ZC3H12B: variants seen among roughly 807,000 people sequenced by gnomAD.
ZC3H12B encodes the protein zinc finger CCCH-type containing 12B.
ZC3H12B carries 7 observed loss-of-function variants against 43.9 expected under a neutral mutation model. The ratio of observed to expected loss-of-function variants is 0.16; its 90% confidence interval spans 0.09 to 0.30. The LOEUF is 0.30. Ranked by LOEUF, ZC3H12B falls within the 10% of genes least tolerant of loss-of-function variation. ZC3H12B has a pLI of 1.00. For missense variants in ZC3H12B, 475 were observed against 670.2 expected, an observed-to-expected ratio of 0.71 and a Z score of 3.22; for synonymous variants, 222 against 241.7, an observed-to-expected ratio of 0.92 and a Z score of 0.76.
chrX:65,412,203 A>G lies in ZC3H12B; in HGVS notation n.407+13499A>G. Among the ~76,000 whole-genome samples the G allele has an allele frequency of 2.7e-5, 3 of 111,624 alleles. 1 individual carries two copies. The Middle Eastern group carries it at 0.014, about 514-fold the overall frequency. ...ATCTATGTTCTGTCGCTGTGTATTTATCTATTCTGAATGTTTCATGTATAT... is the reference window on the plus strand; with the variant it reads ...ATCTATGTTCTGTCGCTGTGTATTTGTCTATTCTGAATGTTTCATGTATAT... On this transcript the variant is annotated intron_variant and non_coding_transcript_variant, in intron 3 of 5. Coordinates refer to the ZC3H12B transcript ENST00000617377.
At chrX:65,137,868 G>T in the ZC3H12B span, among the ~76,000 whole-genome samples, 68 of 112,430 alleles carry the variant, frequency 6.0e-4, no homozygotes, top group Middle Eastern at 4.6e-3. Context: ...TCGCTCTATT[G>T]CCCAGGCTGT....
chrX:65,417,902 G>A (rs1312748379), intron 3 of ZC3H12B, among the ~76,000 whole-genome samples: 1 of 112,191 alleles, frequency 8.9e-6, no homozygotes, highest in Non-Finnish European at 1.9e-5. Flanking sequence ...CACTCCAAGT[G>A]GGTCTTCTCA....
the ZC3H12B span, among the ~76,000 whole-genome samples, chrX:65,215,825 A>T: frequency 8.9e-6 from 1 of 111,737 alleles, no homozygotes; most frequent in Non-Finnish European, 1.9e-5. Context: ...AAAGTGAGAG[A>T]TGTGCTATTC....
intron 2 of ZC3H12B, among the ~76,000 whole-genome samples, chrX:65,379,769 G>C (rs1405720409): frequency 2.7e-5 from 3 of 112,415 alleles, no homozygotes; most frequent in African/African-American, 9.7e-5. Context: ...TAAAGGAGCT[G>C]ATGGAGCTGA....
chrX:65,118,888 G>C, the ZC3H12B span, among the ~76,000 whole-genome samples: 3 of 104,550 alleles, frequency 2.9e-5, no homozygotes, highest in African/African-American at 1.1e-4. Context: ...CTATGAGTGA[G>C]AACATGCGGT....
the ZC3H12B span, among the ~76,000 whole-genome samples, chrX:65,038,586 G>A: frequency 9.0e-6 from 1 of 111,534 alleles, no homozygotes; most frequent in East Asian, 2.8e-4. Context: ...GGAAAGAGGA[G>A]GGAAACTGCC....
chrX:65,226,360 G>A, the ZC3H12B span, among the ~76,000 whole-genome samples: 124 of 111,202 alleles, frequency 1.1e-3, 1 homozygote, highest in African/African-American at 3.4e-3. Flanking sequence ...CTAAAAGAGC[G>A]CCTGAAGGAA....
the ZC3H12B span, among the ~76,000 whole-genome samples, chrX:65,113,732 A>G: frequency 1.6e-4 from 18 of 109,389 alleles, no homozygotes; most frequent in African/African-American, 5.6e-4. Flanking sequence ...AACATCGAGG[A>G]AAGACCTCCC....
chrX:65,406,521 C>T (rs1272253925), intron 3 of ZC3H12B, among the ~76,000 whole-genome samples: 4 of 101,017 alleles, frequency 4.0e-5, no homozygotes, highest in Admixed American at 2.2e-4. Context: ...ATAATAAAAG[C>T]TATATAGGGC....
upstream of ZC3H12B, among the ~76,000 whole-genome samples, chrX:65,361,888 G>C (rs964076407): frequency 8.9e-6 from 1 of 112,106 alleles, no homozygotes; most frequent in Admixed American, 9.4e-5. Context: ...CCTCCACTGC[G>C]AGACAAACCC....
At chrX:65,396,555 A>G (rs745958011) in intron 2 of ZC3H12B, among the ~76,000 whole-genome samples, 9 of 108,459 alleles carry the variant, frequency 8.3e-5, no homozygotes, top group Non-Finnish European at 1.7e-4. Flanking sequence ...ACAGTTTGTT[A>G]TAATTTCAGG....
chrX:65,434,447 G>T, intron 3 of ZC3H12B, among the ~76,000 whole-genome samples: 1 of 111,908 alleles, frequency 8.9e-6, no homozygotes, highest in Non-Finnish European at 1.9e-5. Flanking sequence ...TGCACATTCA[G>T]TTAAACAAAT....
chrX:65,380,283 A>G (rs915937765), intron 2 of ZC3H12B, among the ~76,000 whole-genome samples: 2 of 112,327 alleles, frequency 1.8e-5, no homozygotes, highest in Non-Finnish European at 3.8e-5. Context: ...ATAAGCCAGA[A>G]GAGAGTGGGG....
At chrX:65,122,336 G>T in the ZC3H12B span, among the ~76,000 whole-genome samples, 1 of 110,993 alleles carries the variant, frequency 9.0e-6, no homozygotes, top group African/African-American at 3.3e-5. Flanking sequence ...AGCAAATGCT[G>T]AGAGATTTTG....
chrX:65,107,412 C>A, the ZC3H12B span, among the ~76,000 whole-genome samples: 4 of 111,206 alleles, frequency 3.6e-5, no homozygotes, highest in Admixed American at 3.8e-4. Context: ...CAGGTGGGCA[C>A]CATTGGAGTA....
upstream of ZC3H12B, among the ~76,000 whole-genome samples, chrX:65,366,198 T>C: frequency 9.3e-6 from 1 of 107,879 alleles, no homozygotes; most frequent in South Asian, 4.2e-4. Flanking sequence ...AGAAGAAAGG[T>C]GGTTTTCCCC....
chrX:65,094,166 T>C, the ZC3H12B span, among the ~76,000 whole-genome samples: 8,871 of 109,822 alleles, frequency 0.081, 997 homozygotes, highest in African/African-American at 0.28. Context: ...CCTTCCACCA[T>C]GATTGTAACT....
the ZC3H12B span, among the ~76,000 whole-genome samples, chrX:65,360,944 T>C: frequency 8.9e-6 from 1 of 112,031 alleles, no homozygotes; most frequent in Non-Finnish European, 1.9e-5. Flanking sequence ...ACTGTTCTTA[T>C]TTAGACAATG....
intron 3 of ZC3H12B, among the ~76,000 whole-genome samples, chrX:65,450,083 G>C (rs921763632): frequency 9.2e-6 from 1 of 108,581 alleles, no homozygotes; most frequent in African/African-American, 3.4e-5. Flanking sequence ...GAGGAGGGTA[G>C]ATCGTGAGGT....
Sources: allele counts gnomAD v4.1 joint callset (sites outside exome capture counted in the v4.1 genomes callset), GRCh38; gene constraint gnomAD v4.1.1; transcripts MANE v1.5; gene names NCBI Gene and HGNC (gene_info 2026-07-23, HGNC 2026-07-21).